CDKL4: variants seen among roughly 807,000 people sequenced by gnomAD.
CDKL4 encodes the protein cyclin dependent kinase like 4, also known as cyclin-dependent kinase-like 4.
CDKL4 carries 44 observed loss-of-function variants against 42.0 expected under a neutral mutation model. The ratio of observed to expected loss-of-function variants is 1.05; its 90% confidence interval spans 0.82 to 1.35. CDKL4 has a LOEUF of 1.35. CDKL4 is among the 40% of genes most tolerant of loss of function. The probability of loss-of-function intolerance (pLI) is 0.00; values close to 1 mark genes in which losing one functional copy is unlikely to be tolerated. For synonymous variants in CDKL4, 120 were observed against 121.6 expected (o/e 0.99, Z 0.09); for missense variants, 393 against 369.9 (o/e 1.06, Z -0.51).
intron 4 of CDKL4, among the ~76,000 whole-genome samples, chr2:39,205,338 A>G (rs888890896): frequency 6.6e-6 from 1 of 152,208 alleles, no homozygotes; most frequent in African/African-American, 2.4e-5. Flanking sequence ...AAGAGTCACA[A>G]TTCAGGTTGA....
At chr2:39,208,890 G>A (rs1295707257) in intron 4 of CDKL4, among the ~76,000 whole-genome samples, 1 of 151,790 alleles carries the variant, frequency 6.6e-6, no homozygotes, top group African/African-American at 2.4e-5. Context: ...TTGAGCCTTA[G>A]GCATGGATGC....
At chr2:39,245,875 C>G (rs952176904), upstream of CDKL4, among the ~76,000 whole-genome samples, 12 of 152,190 alleles carry the variant, frequency 7.9e-5, no homozygotes, top group Non-Finnish European at 1.8e-4. Context: ...TCCTAATTCA[C>G]CTAGCATTGT....
intron 3 of CDKL4, among the ~76,000 whole-genome samples, chr2:39,222,459 G>A (rs866738273): frequency 5.3e-5 from 8 of 151,902 alleles, no homozygotes; most frequent in Admixed American, 1.3e-4. Flanking sequence ...GCATGGTAGC[G>A]GGTCCCTGTA....
upstream of CDKL4, among the ~76,000 whole-genome samples, chr2:39,244,623 C>T (rs1383310509): frequency 6.6e-6 from 1 of 152,244 alleles, no homozygotes; most frequent in East Asian, 1.9e-4. Flanking sequence ...CTCCACGGCG[C>T]CCAGTCCCAT....
intron 4 of CDKL4, among the ~76,000 whole-genome samples, chr2:39,207,594 T>C (rs1022035988): frequency 2.6e-5 from 4 of 152,226 alleles, no homozygotes; most frequent in African/African-American, 9.7e-5. Flanking sequence ...AGTAAATGGA[T>C]TTACATCAAT....
At chr2:39,238,248 T>A (rs771826394) in intron 1 of CDKL4, among the ~76,000 whole-genome samples, 4 of 152,248 alleles carry the variant, frequency 2.6e-5, no homozygotes, top group Non-Finnish European at 4.4e-5. Flanking sequence ...CCGGTCAACA[T>A]AGTGAGACCC....
intron 4 of CDKL4, among the ~76,000 whole-genome samples, chr2:39,208,607 T>A (rs1677359956): frequency 6.6e-6 from 1 of 151,978 alleles, no homozygotes; most frequent in Non-Finnish European, 1.5e-5. Flanking sequence ...CCTCCCAAAG[T>A]GCTGGGATTA....
chr2:39,219,587 A>AT (rs1190806090), intron 3 of CDKL4, among the ~76,000 whole-genome samples: 2 of 151,826 alleles, frequency 1.3e-5, no homozygotes, highest in Admixed American at 6.6e-5. Context: ...CACCTGGCTA[A>AT]TTTTTTGTAT....
chr2:39,172,062 G>A (rs1675014187), downstream of CDKL4, among the ~76,000 whole-genome samples: 1 of 152,154 alleles, frequency 6.6e-6, no homozygotes, highest in Admixed American at 6.5e-5. Flanking sequence ...TGTAATGCCA[G>A]CACTTTGGGA....
intron 3 of CDKL4, among the ~76,000 whole-genome samples, chr2:39,221,788 G>T (rs1461521165): frequency 6.6e-6 from 1 of 152,150 alleles, no homozygotes; most frequent in Non-Finnish European, 1.5e-5. Context: ...ATTCCGCCAG[G>T]GGTGTCCATC....
chr2:39,205,476 C>T (rs989754772), intron 4 of CDKL4, among the ~76,000 whole-genome samples: 2 of 151,858 alleles, frequency 1.3e-5, no homozygotes, highest in African/African-American at 2.4e-5. Flanking sequence ...AAAGAGGGGC[C>T]TATAGCCGGG....
At position 39,238,265 on chromosome 2, in the gene CDKL4, TA is replaced by T. The variant is rs563748787; in HGVS notation, c.-57+5605del. Reference sequence around the variant, plus strand: ...GGTCAACATAGTGAGACCCTATCTCTAAAAAAATAAAAAATAATTAGCCAGG... The same window carrying T: ...GGTCAACATAGTGAGACCCTATCTCTAAAAAATAAAAAATAATTAGCCAGG... On this transcript the variant is annotated intron_variant, in intron 1 of 9. Transcript: ENST00000451199. Among the ~76,000 whole-genome samples the T allele has an allele frequency of 7.3e-3, 1,105 of 152,170 alleles. 11 individuals carry two copies. Among genetic ancestry groups the T allele is most frequent in the African/African-American group, 0.026 (1,060 of 41,502 alleles).
intron 4 of CDKL4, among the ~76,000 whole-genome samples, chr2:39,207,138 C>T (rs764457655): frequency 3.3e-5 from 5 of 152,168 alleles, no homozygotes; most frequent in Admixed American, 2.0e-4. Flanking sequence ...GTAATACTTG[C>T]GCTTTGGGAG....
At chr2:39,209,151 T>A (rs10194937) in intron 4 of CDKL4, among the ~76,000 whole-genome samples, 105,350 of 138,226 alleles carry the variant, frequency 0.76, 41,656 homozygotes, top group Non-Finnish European at 0.89. Flanking sequence ...AAAAAAAAAA[T>A]TTTTTTTTTA....
upstream of CDKL4, among the ~76,000 whole-genome samples, chr2:39,245,912 ACACAGGTTTG>A: frequency 6.6e-6 from 1 of 152,378 alleles, no homozygotes; most frequent in South Asian, 2.1e-4. Flanking sequence ...TAAGAATCAG[ACACAGGTTTG>A]ACACCCATTA....
At chr2:39,182,755 C>A (rs1010329718) in intron 8 of CDKL4, among the ~76,000 whole-genome samples, 1 of 152,200 alleles carries the variant, frequency 6.6e-6, no homozygotes, top group African/African-American at 2.4e-5. Flanking sequence ...ATAGGATCAT[C>A]ATGACTATGG....
intron 5 of CDKL4, among the ~76,000 whole-genome samples, chr2:39,191,603 A>G (rs1219605483): frequency 6.6e-6 from 1 of 152,232 alleles, no homozygotes; most frequent in African/African-American, 2.4e-5. Context: ...AGACAATTGC[A>G]TAAATTAATT....
Position 39,229,380 on chromosome 2 carries a change from TTC to T in CDKL4, c.151_152del (p.Glu51AsnfsTer30). 6.3e-7 allele frequency: 1 copy of T among 1,597,762 alleles called. No homozygotes were observed. The highest frequency in any genetic ancestry group is 8.5e-7 in the Non-Finnish European group (1 of 1,173,604). ...GTTAACTTACCTTCAACATACGTAT[TTC>T]TCTTAGTGCTATTTTCTTAACAACA... On this transcript the variant is annotated frameshift_variant, in exon 2 of 10. Coordinates refer to ENST00000451199, the Ensembl canonical transcript of CDKL4. LOFTEE classifies it high-confidence loss of function.
chr2:39,220,986 T>TGTTGTTGTTG (rs1678295429), intron 3 of CDKL4, among the ~76,000 whole-genome samples: 1 of 44,206 alleles, frequency 2.3e-5, no homozygotes, highest in African/African-American at 4.1e-5. Flanking sequence ...CTTTTTTTTT[T>TGTTGTTGTTG]TTTTTTTTTT....
Sources: gnomAD v4.1 joint callset for allele counts (sites outside exome capture counted in the v4.1 genomes callset) on GRCh38, gnomAD v4.1.1 for gene constraint, MANE v1.5 for transcripts, NCBI Gene and HGNC (gene_info 2026-07-23, HGNC 2026-07-21) for gene names.